The following BRAF variants were observed in gnomAD, a reference collection of about 807,000 sequenced individuals.
The protein encoded by BRAF is B-Raf proto-oncogene, serine/threonine kinase.
A neutral mutation model predicts 104.6 loss-of-function variants in BRAF; 16 were observed. That is an observed-to-expected ratio of 0.15 (90% CI 0.10 to 0.23). BRAF has a LOEUF of 0.23. Among genes scored for constraint, BRAF ranks in the 10% least tolerant of loss-of-function variants. The pLI is 1.00. For synonymous variants in BRAF, 310 were observed against 341.6 expected, an observed-to-expected ratio of 0.91 and a Z score of 1.02; for missense variants, 541 against 937.3, an observed-to-expected ratio of 0.58 and a Z score of 5.52.
Position 140,924,485 on chromosome 7 carries a change from C to A in BRAF, c.138+81G>T. On this transcript the variant is annotated intron_variant, in intron 1 of 19. Transcript: ENST00000644969. The surrounding 1 kb of genome is among the most constrained non-coding windows in gnomAD (Gnocchi z 4.2). ...GGTGGCTGAGGGCATCAAGCCCCCA[C>A]CGCCGCCTCTTTCCAAAATAAACAC... The A allele has an allele frequency of 6.6e-7, 1 of 1,525,608 alleles. No individual in the cohort carries two copies. Among genetic ancestry groups the A allele is most frequent in the South Asian group, 1.2e-5 (1 of 83,416 alleles). 94.5% of individuals were successfully genotyped at this position (1,525,608 alleles called of 1,614,324 possible).
In BRAF at chr7:140,719,967, G is replaced by T; in HGVS notation, c.*6527C>A. 9.4e-7 allele frequency: 1 copy of T among 1,062,566 alleles called. No individual in the cohort carries two copies. The highest frequency in any genetic ancestry group is 1.1e-6 in the Non-Finnish European group (1 of 877,514). The allele number at this position is 1,062,566 out of a possible 1,614,324, so 65.8% of individuals were successfully genotyped here. ...AAACAGGAACCGTGAATTCACTGCA[G>T]TTCAAACAGGAAGCATCTCCCTTTC... On this transcript the variant is annotated 3_prime_UTR_variant, in exon 20 of 20. Transcript: ENST00000644969.
chr7:140,795,259 C>T (rs1178487405), intron 7 of BRAF, among the ~76,000 whole-genome samples: 1 of 152,160 alleles, frequency 6.6e-6, no homozygotes, highest in Non-Finnish European at 1.5e-5. Flanking sequence ...CTGGCACTCA[C>T]AGAGAACACT....
At chr7:140,845,409 C>A (rs776236964) in intron 2 of BRAF, among the ~76,000 whole-genome samples, 2 of 152,044 alleles carry the variant, frequency 1.3e-5, no homozygotes, top group Admixed American at 1.3e-4. Context: ...AGGGAACCCA[C>A]ACAATGGGAA....
chr7:140,782,735 C>T (rs535417277), intron 11 of BRAF, among the ~76,000 whole-genome samples: 3 of 152,080 alleles, frequency 2.0e-5, no homozygotes, highest in African/African-American at 4.8e-5. Flanking sequence ...TCTGGACCAG[C>T]CTTTTCGTGC....
chr7:140,884,835 T>A (rs1813373647), intron 1 of BRAF, among the ~76,000 whole-genome samples: 1 of 151,870 alleles, frequency 6.6e-6, no homozygotes, highest in African/African-American at 2.4e-5. Context: ...CATTAAAAAT[T>A]ATAACCAAGA....
At chr7:140,831,227 T>A (rs553596236) in intron 3 of BRAF, among the ~76,000 whole-genome samples, 143 of 152,200 alleles carry the variant, frequency 9.4e-4, no homozygotes, top group Non-Finnish European at 1.5e-3. Context: ...CCCCCACACA[T>A]CTAGTCACAA....
At chr7:140,914,449 G>A (rs539379176) in intron 1 of BRAF, among the ~76,000 whole-genome samples, 1 of 152,310 alleles carries the variant, frequency 6.6e-6, no homozygotes, top group Non-Finnish European at 1.5e-5. Flanking sequence ...ACTAAAGGGA[G>A]ATGAACATTT....
intron 19 of BRAF, chr7:140,733,836 T>C (rs910984172): frequency 1.5e-5 from 4 of 274,092 alleles, no homozygotes; most frequent in East Asian, 1.5e-4. Context: ...AGCAATGCGT[T>C]TGCAACAAAA....
chr7:140,921,394 G>A (rs1344012772), intron 1 of BRAF, among the ~76,000 whole-genome samples: 1 of 152,030 alleles, frequency 6.6e-6, no homozygotes, highest in African/African-American at 2.4e-5. Flanking sequence ...CACCTACAAA[G>A]TATTAATACT....
intron 1 of BRAF, among the ~76,000 whole-genome samples, chr7:140,860,277 A>C (rs2129082665): frequency 6.6e-6 from 1 of 152,252 alleles, no homozygotes; most frequent in South Asian, 2.1e-4. Context: ...AGGTCAACTA[A>C]TCCAAAAGAA....
intron 4 of BRAF, chr7:140,808,287 T>C (rs1414165687): frequency 8.8e-6 from 5 of 569,394 alleles, no homozygotes; most frequent in African/African-American, 1.9e-5. Context: ...AGAGATGTAC[T>C]CTTTTCTTCA....
At chr7:140,898,527 C>CA (rs1815220400) in intron 1 of BRAF, among the ~76,000 whole-genome samples, 1 of 152,162 alleles carries the variant, frequency 6.6e-6, no homozygotes, top group Admixed American at 6.5e-5. Context: ...CACTAGTAAT[C>CA]AGAGATGAAA....
chr7:140,783,322 T>C (rs1801060134), intron 10 of BRAF, 165 bp from the exon 10 acceptor site: 1 of 748,080 alleles, frequency 1.3e-6, no homozygotes, highest in Admixed American at 3.0e-5. Context: ...CATTTGGTGA[T>C]TACAACTATA....
intron 1 of BRAF, among the ~76,000 whole-genome samples, chr7:140,852,531 T>C (rs574372164): frequency 6.6e-6 from 1 of 152,314 alleles, no homozygotes; most frequent in South Asian, 2.1e-4. Flanking sequence ...AGGTTCCAAA[T>C]TGTTTTTCCA....
At chr7:140,825,568 T>C (rs1275079868) in intron 3 of BRAF, among the ~76,000 whole-genome samples, 2 of 152,244 alleles carry the variant, frequency 1.3e-5, no homozygotes, top group African/African-American at 4.8e-5. Flanking sequence ...CCTTCTGTGT[T>C]CAATTTCCTT....
At chr7:140,797,292 C>T (rs979539849) in intron 7 of BRAF, among the ~76,000 whole-genome samples, 1 of 152,180 alleles carries the variant, frequency 6.6e-6, no homozygotes, top group South Asian at 2.1e-4. Context: ...GTTGACCTCT[C>T]ACAAATTTAT....
chr7:140,761,648 C>G (rs1409424511), intron 14 of BRAF, among the ~76,000 whole-genome samples: 3 of 152,160 alleles, frequency 2.0e-5, no homozygotes, highest in Non-Finnish European at 4.4e-5. Flanking sequence ...AAACCCATCT[C>G]ACATGCAGAG....
intron 1 of BRAF, among the ~76,000 whole-genome samples, chr7:140,919,530 A>C (rs1817988307): frequency 6.6e-6 from 1 of 152,104 alleles, no homozygotes; most frequent in African/African-American, 2.4e-5. Context: ...GGGGAAAAAT[A>C]ATTGCTTAAT....
chr7:140,870,926 G>A (rs1429879538), intron 1 of BRAF, among the ~76,000 whole-genome samples: 1 of 150,962 alleles, frequency 6.6e-6, no homozygotes. Flanking sequence ...CAAATCACAT[G>A]TTCAAGAGTA....
Sources: gnomAD v4.1 joint callset for allele counts (sites outside exome capture counted in the v4.1 genomes callset) on GRCh38, gnomAD v4.1.1 for gene constraint, Gnocchi (gnomAD v3.1) non-coding constraint, MANE v1.5 for transcripts, NCBI Gene and HGNC (gene_info 2026-07-23, HGNC 2026-07-21) for gene names.